The following SHISA9 variants were observed in gnomAD, a reference collection of about 807,000 sequenced individuals.
SHISA9 encodes the protein protein shisa-9.
SHISA9 carries 13 observed loss-of-function variants against 38.0 expected under a neutral mutation model. The ratio of observed to expected loss-of-function variants is 0.34; its 90% confidence interval spans 0.22 to 0.54. The LOEUF (loss-of-function observed/expected upper bound fraction) is 0.54. Ranked by LOEUF, SHISA9 falls within the 20% of genes least tolerant of loss-of-function variation. The pLI, the probability that SHISA9 is intolerant of heterozygous loss-of-function variation, is 0.91. For missense variants in SHISA9, 538 were observed against 575.8 expected (o/e 0.93, Z 0.67); for synonymous variants, 275 against 242.0 (o/e 1.14, Z -1.27).
At chr16:12,962,944 C>T (rs2071930357) in intron 2 of SHISA9, among the ~76,000 whole-genome samples, 1 of 152,188 alleles carries the variant, frequency 6.6e-6, no homozygotes, top group Admixed American at 6.5e-5. Flanking sequence ...TACCCTCCTT[C>T]CACTGGGGTG....
the SHISA9 span, among the ~76,000 whole-genome samples, chr16:13,476,738 G>GTTTTTTTTTTTTTT: frequency 1.5e-5 from 1 of 65,182 alleles, no homozygotes; most frequent in Non-Finnish European, 3.2e-5. Context: ...CCTGTTTTGT[G>GTTTTTTTTTTTTTT]TTTTTTTTTT....
chr16:13,353,085 G>A, the SHISA9 span, among the ~76,000 whole-genome samples: 2 of 152,136 alleles, frequency 1.3e-5, no homozygotes, highest in African/African-American at 2.4e-5. Context: ...AAAATTTTTG[G>A]TGGGTGGTAT....
the SHISA9 span, among the ~76,000 whole-genome samples, chr16:13,437,899 G>T: frequency 5.6e-3 from 677 of 121,458 alleles, 14 homozygotes; most frequent in South Asian, 0.035. Context: ...GAGTTTCACT[G>T]TTTTTGCCCA....
At chr16:13,483,911 G>C in the SHISA9 span, among the ~76,000 whole-genome samples, 3 of 152,296 alleles carry the variant, frequency 2.0e-5, no homozygotes, top group African/African-American at 7.2e-5. Context: ...ACTGATAAAT[G>C]CATTTCCCTG....
chr16:13,497,025 T>C, the SHISA9 span, among the ~76,000 whole-genome samples: 2 of 152,168 alleles, frequency 1.3e-5, no homozygotes, highest in Non-Finnish European at 2.9e-5. Flanking sequence ...TATTCTGAAG[T>C]TAATTTGAAA....
intron 2 of SHISA9, among the ~76,000 whole-genome samples, chr16:12,950,770 A>AT (rs113879531): frequency 0.03 from 4,359 of 146,758 alleles, 90 homozygotes; most frequent in African/African-American, 0.049. Flanking sequence ...GGCTGGCTAA[A>AT]TTTTTTTTTT....
At chr16:13,273,823 C>T in the SHISA9 span, among the ~76,000 whole-genome samples, 2 of 152,084 alleles carry the variant, frequency 1.3e-5, no homozygotes, top group Non-Finnish European at 2.9e-5. Context: ...ACCTCAGAAA[C>T]TTAAGAATCT....
At chr16:13,083,191 C>A (rs974630974) in intron 2 of SHISA9, among the ~76,000 whole-genome samples, 1 of 152,194 alleles carries the variant, frequency 6.6e-6, no homozygotes, top group Non-Finnish European at 1.5e-5. Flanking sequence ...TTCTCTGTTT[C>A]TCCTGGCAGT....
At chr16:13,180,495 C>T (rs1173422970) in intron 2 of SHISA9, among the ~76,000 whole-genome samples, 5 of 152,130 alleles carry the variant, frequency 3.3e-5, no homozygotes, top group African/African-American at 7.2e-5. Flanking sequence ...CTCAGGAGTT[C>T]GAGACCAGCC....
intron 2 of SHISA9, among the ~76,000 whole-genome samples, chr16:13,197,909 G>A (rs2050963507): frequency 6.6e-6 from 1 of 152,210 alleles, no homozygotes. Flanking sequence ...TGCGGGCCGG[G>A]CGAGGTGGCT....
chr16:13,515,648 T>G, the SHISA9 span, among the ~76,000 whole-genome samples: 1 of 152,134 alleles, frequency 6.6e-6, no homozygotes, highest in African/African-American at 2.4e-5. Flanking sequence ...TACACCAAGG[T>G]CTTATAGATA....
chr16:13,118,438 A>G (rs2074052385), intron 2 of SHISA9, among the ~76,000 whole-genome samples: 1 of 152,226 alleles, frequency 6.6e-6, no homozygotes, highest in Non-Finnish European at 1.5e-5. Context: ...GCACAGAGGC[A>G]TGAGACAGCA....
chr16:13,025,171 T>A (rs568859478), intron 2 of SHISA9, among the ~76,000 whole-genome samples: 64 of 152,208 alleles, frequency 4.2e-4, no homozygotes, highest in Admixed American at 9.2e-4. Flanking sequence ...ATTATAATTG[T>A]CTATTTATTA....
chr16:13,089,768 A>AT (rs1339975727), intron 2 of SHISA9, among the ~76,000 whole-genome samples: 34 of 152,074 alleles, frequency 2.2e-4, no homozygotes, highest in Admixed American at 2.0e-3. Context: ...GGATTCATTG[A>AT]TTTTTTGAAG....
chr16:13,245,058 G>A (rs147759994), downstream of SHISA9, among the ~76,000 whole-genome samples: 527 of 152,236 alleles, frequency 3.5e-3, 5 homozygotes, highest in African/African-American at 0.012. Context: ...TGGGACTACA[G>A]GTACGTGCCA....
At chr16:13,445,643 T>C in the SHISA9 span, among the ~76,000 whole-genome samples, 2 of 152,216 alleles carry the variant, frequency 1.3e-5, no homozygotes, top group Non-Finnish European at 2.9e-5. Flanking sequence ...TGAAATTATT[T>C]TGTTCACTAC....
At chr16:13,456,413 C>T in the SHISA9 span, among the ~76,000 whole-genome samples, 265 of 152,270 alleles carry the variant, frequency 1.7e-3, 4 homozygotes, top group African/African-American at 5.9e-3. Flanking sequence ...ATTTTCCTTA[C>T]GATACCTAGT....
intron 2 of SHISA9, among the ~76,000 whole-genome samples, chr16:12,975,328 C>T (rs2072143247): frequency 6.6e-6 from 1 of 151,964 alleles, no homozygotes; most frequent in African/African-American, 2.4e-5. Flanking sequence ...CATGGTGAAA[C>T]CCTGTCTCTA....
chr16:13,064,492 G>T (rs1161219729), intron 2 of SHISA9, among the ~76,000 whole-genome samples: 1 of 152,042 alleles, frequency 6.6e-6, no homozygotes, highest in South Asian at 2.1e-4. Flanking sequence ...AATAATACAA[G>T]AATTTTAAAC....
Sources: allele counts gnomAD v4.1 joint callset (sites outside exome capture counted in the v4.1 genomes callset), GRCh38; gene constraint gnomAD v4.1.1; transcripts MANE v1.5; gene names NCBI Gene and HGNC (gene_info 2026-07-23, HGNC 2026-07-21).